The following WWP1 variants were observed in gnomAD, a reference collection of about 807,000 sequenced individuals.
WWP1 encodes the protein NEDD4-like E3 ubiquitin-protein ligase WWP1.
Under a neutral mutation model 130.6 loss-of-function variants are expected in WWP1, and 49 were observed. The observed-to-expected ratio is 0.38, with a 90% CI of 0.30 to 0.48. WWP1 has a LOEUF of 0.48. WWP1 is among the 20% of genes least tolerant of loss of function. The pLI is 0.99. For synonymous variants in WWP1, 332 were observed against 367.8 expected (o/e 0.90, Z 1.11); for missense variants, 809 against 1,100.6 (o/e 0.74, Z 3.75).
intron 7 of WWP1, among the ~76,000 whole-genome samples, chr8:86,401,014 T>G (rs1418640907): frequency 1.3e-5 from 2 of 151,650 alleles, no homozygotes; most frequent in African/African-American, 4.8e-5. Context: ...TTTTTTTGTT[T>G]TTTTTTTTTT....
chr8:86,390,391 C>T lies in WWP1; in HGVS notation c.335-7951C>T, dbSNP rs142183386. Among the ~76,000 whole-genome samples, 972 of 152,270 alleles carry T rather than the reference C, an allele frequency of 6.4e-3. 9 individuals carry two copies. Among genetic ancestry groups the T allele is most frequent in the African/African-American group, 0.022 (921 of 41,552 alleles). On this transcript the variant is annotated intron_variant, in intron 5 of 24. Transcript: ENST00000517970. Reference sequence around the variant, plus strand: ...CAAGCCGAGATCACGCCACTGCACTCCAGCCTGGGCAAGATTGAGCACTGA... The same window carrying T: ...CAAGCCGAGATCACGCCACTGCACTTCAGCCTGGGCAAGATTGAGCACTGA...
chr8:86,370,758 G>A (rs1438805825), intron 2 of WWP1, among the ~76,000 whole-genome samples: 1 of 151,464 alleles, frequency 6.6e-6, no homozygotes, highest in Non-Finnish European at 1.5e-5. Flanking sequence ...CTGAGAAGAA[G>A]GTGTTAATGC....
intron 5 of WWP1, among the ~76,000 whole-genome samples, chr8:86,384,141 A>G (rs1278882257): frequency 6.6e-6 from 1 of 152,198 alleles, no homozygotes; most frequent in Non-Finnish European, 1.5e-5. Flanking sequence ...TCATTGGATT[A>G]GGGCCTACCC....
chr8:86,367,087 CT>C (rs1824016994), intron 1 of WWP1, among the ~76,000 whole-genome samples: 1 of 152,166 alleles, frequency 6.6e-6, no homozygotes, highest in African/African-American at 2.4e-5. Flanking sequence ...GCTTTCTAAC[CT>C]TTTAGGTTCC....
chr8:86,461,272 G>A lies in WWP1; in HGVS notation c.2548G>A (p.Val850Ile), dbSNP rs369748307. ...NEVRMRLLQFVTGTCRLPLGG... is the reference protein window; with the variant it reads ...NEVRMRLLQFITGTCRLPLGG... ...AGTAAGAATGCGACTATTGCAGTTCGTCACTGGAACCTGCCGTTTACCTCT... is the reference window on the plus strand; with the variant it reads ...AGTAAGAATGCGACTATTGCAGTTCATCACTGGAACCTGCCGTTTACCTCT... The change falls in exon 23 of 25, where the codon GTC becomes ATC. Residue 850 changes from valine (V) to isoleucine (I), a missense_variant. By Grantham distance (29) the Val-to-Ile change is conservative. Around this residue, in one of 3 missense-constraint regions of WWP1, gnomAD observed 450 missense variants for 674.2 expected, o/e 0.67. Transcript: ENST00000517970. 38 of 1,613,996 alleles carry A rather than the reference G, an allele frequency of 2.4e-5. No individual in the cohort carries two copies. The highest frequency in any genetic ancestry group is 3.0e-5 in the Non-Finnish European group (35 of 1,180,028).
rs1392829583 is a variant in WWP1 at position 86,374,011 on chromosome 8, T to C, written c.-21-19T>C. The C allele has an allele frequency of 6.4e-7, 1 of 1,559,896 alleles. No homozygotes were observed. The highest frequency in any genetic ancestry group is 8.7e-7 in the Non-Finnish European group (1 of 1,149,174). On this transcript the variant is annotated intron_variant, in intron 2 of 24. Coordinates refer to ENST00000517970, the MANE Select transcript of WWP1 (RefSeq NM_007013.4). ...AACTCTTATCTAACACATGAATAAATTCCCCTTTTTTAAAATAGGTTTTAG... is the reference window on the plus strand; with the variant it reads ...AACTCTTATCTAACACATGAATAAACTCCCCTTTTTTAAAATAGGTTTTAG...
chr8:86,414,046 T>C (rs1263421221), intron 9 of WWP1, among the ~76,000 whole-genome samples: 1 of 152,222 alleles, frequency 6.6e-6, no homozygotes, highest in Non-Finnish European at 1.5e-5. Flanking sequence ...TTATGATCTT[T>C]GTATTAGAAT....
chr8:86,467,044 A>C lies in WWP1; in HGVS notation c.*151A>C. 1 of 607,298 alleles carries C rather than the reference A, an allele frequency of 1.6e-6. No individual in the cohort carries two copies. The highest frequency in any genetic ancestry group is 2.9e-6 in the Non-Finnish European group (1 of 347,118). The allele number at this position is 607,298 out of a possible 1,614,324, so 37.6% of individuals were successfully genotyped here. On this transcript the variant is annotated 3_prime_UTR_variant, in exon 25 of 25. Transcript: ENST00000517970. ...TCCGTTCTTCCACAGAAATATGCAA[A>C]ACAGTTCATCCTTTTCTACTTTATT...
At chr8:86,409,726 T>G (rs1269680562) in intron 8 of WWP1, among the ~76,000 whole-genome samples, 1 of 151,654 alleles carries the variant, frequency 6.6e-6, no homozygotes. Flanking sequence ...CCAGGCGTGG[T>G]GGCGGGTGCC....
At chr8:86,367,414 A>T (rs1405835254) in intron 1 of WWP1, among the ~76,000 whole-genome samples, 1 of 152,108 alleles carries the variant, frequency 6.6e-6, no homozygotes, top group Non-Finnish European at 1.5e-5. Flanking sequence ...TTTCTTTCAC[A>T]ATTTTGCTTC....
At chr8:86,445,983 T>TTTTC (rs1810850244) in intron 18 of WWP1, among the ~76,000 whole-genome samples, 7 of 133,440 alleles carry the variant, frequency 5.2e-5, no homozygotes, top group Non-Finnish European at 1.1e-4. Context: ...TTTCTTTTTT[T>TTTTC]TTTTTTTTTT....
intron 5 of WWP1, among the ~76,000 whole-genome samples, chr8:86,393,831 T>A (rs1241291563): frequency 6.6e-6 from 1 of 152,232 alleles, no homozygotes; most frequent in Non-Finnish European, 1.5e-5. Flanking sequence ...CCACACTGCG[T>A]CAGAGATTAT....
chr8:86,427,981 A>G (rs1233890342), intron 11 of WWP1, among the ~76,000 whole-genome samples, 164 bp downstream of exon 11: 2 of 151,918 alleles, frequency 1.3e-5, no homozygotes, highest in South Asian at 2.1e-4. Context: ...TTTAATAAAT[A>G]GTGTTTCTGA....
At chr8:86,445,101 T>G (rs1382999251) in intron 18 of WWP1, among the ~76,000 whole-genome samples, 3 of 152,118 alleles carry the variant, frequency 2.0e-5, no homozygotes, top group African/African-American at 7.2e-5. Context: ...AGTGCCATAC[T>G]CTTTTTAAAA....
At chr8:86,412,053 T>C (rs1808616530) in intron 9 of WWP1, among the ~76,000 whole-genome samples, 179 bp downstream of exon 9, 1 of 152,194 alleles carries the variant, frequency 6.6e-6, no homozygotes, top group Non-Finnish European at 1.5e-5. Flanking sequence ...CTAAGAACAA[T>C]TGCTCATCTG....
intron 3 of WWP1, among the ~76,000 whole-genome samples, chr8:86,377,031 G>A (rs1824696194): frequency 6.6e-6 from 1 of 152,102 alleles, no homozygotes; most frequent in African/African-American, 2.4e-5. Context: ...AACCAACTGA[G>A]GTCTTAGGAC....
intron 4 of WWP1, among the ~76,000 whole-genome samples, 167 bp downstream of exon 4, chr8:86,381,031 G>A (rs968482239): frequency 6.6e-6 from 1 of 151,934 alleles, no homozygotes; most frequent in South Asian, 2.1e-4. Flanking sequence ...TTTTTAAGGG[G>A]AGGATGCATA....
At chr8:86,365,684 G>A (rs962091280) in intron 1 of WWP1, among the ~76,000 whole-genome samples, 2 of 152,116 alleles carry the variant, frequency 1.3e-5, no homozygotes, top group East Asian at 1.9e-4. Context: ...ATTTTTTGGC[G>A]GGTCACAGTG....
chr8:86,452,474 A>G, intron 20 of WWP1, 85 bp from the exon 21 acceptor site: 1 of 1,178,354 alleles, frequency 8.5e-7, no homozygotes, highest in South Asian at 1.6e-5. Flanking sequence ...AGAAAAAGAG[A>G]AAGAACTATA....
Sources: gnomAD v4.1 joint callset for allele counts (sites outside exome capture counted in the v4.1 genomes callset) on GRCh38, gnomAD v4.1.1 for gene constraint, gnomAD v4.1.1 regional missense constraint, MANE v1.5 for transcripts, NCBI Gene and HGNC (gene_info 2026-07-23, HGNC 2026-07-21) for gene names.